The following KCNQ2 variants were observed in gnomAD, a reference collection of about 807,000 sequenced individuals.
KCNQ2 encodes the protein potassium voltage-gated channel subfamily Q member 2.
In KCNQ2, 14 loss-of-function variants were observed where a neutral mutation model predicts 84.8. The ratio of observed to expected loss-of-function variants is 0.17; its 90% CI spans 0.11 to 0.26. KCNQ2 has a LOEUF of 0.26. Ranked by LOEUF, KCNQ2 falls within the 10% of genes least tolerant of loss-of-function variation. The pLI is 1.00. For missense variants in KCNQ2, 788 were observed against 1,254.0 expected (o/e 0.63, Z 5.61); for synonymous variants, 599 against 554.1 (o/e 1.08, Z -1.14).
intron 15 of KCNQ2, among the ~76,000 whole-genome samples, chr20:63,412,724 G>A (rs1162662051): frequency 6.6e-6 from 1 of 152,246 alleles, no homozygotes; most frequent in Non-Finnish European, 1.5e-5. Context: ...TTCCAGGGCT[G>A]AGAAACTGGT....
At chr20:63,420,502 T>C (rs1269655006) in intron 11 of KCNQ2, among the ~76,000 whole-genome samples, 1 of 143,768 alleles carries the variant, frequency 7.0e-6, no homozygotes, top group Admixed American at 6.9e-5. Context: ...AGACAGCACT[T>C]CTCAAACTCG....
intron 11 of KCNQ2, chr20:63,423,469 G>A (rs1018619017): frequency 3.9e-5 from 6 of 152,300 alleles, no homozygotes; most frequent in African/African-American, 1.4e-4. Context: ...GAATTAACTT[G>A]TGAAAGGATC....
At chr20:63,426,530 G>A (rs956477843) in intron 10 of KCNQ2, among the ~76,000 whole-genome samples, 7 of 151,362 alleles carry the variant, frequency 4.6e-5, no homozygotes, top group South Asian at 4.2e-4. Context: ...GTCTTTTGGC[G>A]GATCGGCCAG....
intron 10 of KCNQ2, among the ~76,000 whole-genome samples, chr20:63,427,786 G>C (rs975813589): frequency 5.9e-5 from 9 of 152,242 alleles, no homozygotes; most frequent in African/African-American, 2.2e-4. Flanking sequence ...GAGCAGAAGA[G>C]TGTCTCTAGG....
rs1489785478 is a variant in KCNQ2 at position 63,402,149 on chromosome 20, C to A, written c.*4495G>T. 1 of 161,086 alleles carries A rather than the reference C, an allele frequency of 6.2e-6. No individual in the cohort carries two copies. The highest frequency in any genetic ancestry group is 2.5e-5 in the African/African-American group (1 of 39,608). 10.0% of individuals were successfully genotyped at this position (161,086 alleles called of 1,614,324 possible). On this transcript the variant is annotated 3_prime_UTR_variant, in exon 17 of 17. Transcript: ENST00000359125. ...TGGGCACCCTCCACCAGGTCCAAGT[C>A]TCGTGAGCCGTTCCTCTCACACCAC...
chr20:63,442,911 T>TCAC (rs2081249751), intron 4 of KCNQ2, among the ~76,000 whole-genome samples: 2 of 4,010 alleles, frequency 5.0e-4, no homozygotes, highest in Non-Finnish European at 1.0e-3. Context: ...ACCACCACCA[T>TCAC]CACCATCACC....
chr20:63,445,559 C>T (rs1419572235), intron 2 of KCNQ2, 195 bp from the exon 3 acceptor site: 6 of 420,120 alleles, frequency 1.4e-5, no homozygotes, highest in East Asian at 4.5e-5. Context: ...GGAGACCCTG[C>T]ATCCGGGAAC....
At chr20:63,443,896 G>C (rs979477304) in intron 4 of KCNQ2, 3 of 152,280 alleles carry the variant, frequency 2.0e-5, no homozygotes, top group Admixed American at 6.5e-5. Context: ...CTATTCTGGC[G>C]GCCAGCAGGG....
At chr20:63,416,863 C>T (rs2080315193) in intron 12 of KCNQ2, among the ~76,000 whole-genome samples, 1 of 152,176 alleles carries the variant, frequency 6.6e-6, no homozygotes, top group Non-Finnish European at 1.5e-5. Flanking sequence ...CCCTCCCCAC[C>T]CCATCCCCCA....
chr20:63,413,522 ACGTCGTAGGGC>A lies in KCNQ2; in HGVS notation c.1680_1690del (p.Pro561AspfsTer19). The A allele has an allele frequency of 6.2e-7, 1 of 1,613,534 alleles. No homozygotes were observed. The highest frequency in any genetic ancestry group is 8.5e-7 in the Non-Finnish European group (1 of 1,180,016). Reference sequence around the variant, plus strand: ...TGAGTACTGCTCGATGACGTCCATCACGTCGTAGGGCCGCAGGCTCTCCTTGAACTTCCGCT... The same window carrying A: ...TGAGTACTGCTCGATGACGTCCATCACGCAGGCTCTCCTTGAACTTCCGCT... On this transcript the variant is annotated frameshift_variant, in exon 15 of 17. Coordinates refer to ENST00000359125, the MANE Select transcript of KCNQ2 (RefSeq NM_172107.4). LOFTEE classifies it high-confidence loss of function.
chr20:63,442,987 TACCATCACCATC>T (rs2081260222), intron 4 of KCNQ2, among the ~76,000 whole-genome samples: 1 of 18,640 alleles, frequency 5.4e-5, no homozygotes, highest in Non-Finnish European at 9.8e-5. Flanking sequence ...TCACCACCAT[TACCATCACCATC>T]ACCACCATCA....
chr20:63,409,995 G>A (rs2080072380), intron 15 of KCNQ2: 3 of 291,420 alleles, frequency 1.0e-5, no homozygotes, highest in South Asian at 5.6e-5. Context: ...GTGGGCCAGG[G>A]GTGTTATCTT....
chr20:63,430,509 C>G (rs2080760219), intron 9 of KCNQ2, among the ~76,000 whole-genome samples: 1 of 152,258 alleles, frequency 6.6e-6, no homozygotes, highest in South Asian at 2.1e-4. Context: ...TCAAGGGCTT[C>G]TGTGCAGGAA....
chr20:63,452,867 A>G (rs1237434135), intron 1 of KCNQ2, among the ~76,000 whole-genome samples: 1 of 150,584 alleles, frequency 6.6e-6, no homozygotes, highest in Non-Finnish European at 1.5e-5. Context: ...GCCAGCCAGA[A>G]TGCCTCAGCC....
chr20:63,424,775 T>A (rs2080578097), intron 10 of KCNQ2, among the ~76,000 whole-genome samples: 1 of 152,216 alleles, frequency 6.6e-6, no homozygotes, highest in Non-Finnish European at 1.5e-5. Context: ...CCTTCCGGCG[T>A]CTCATCTGGG....
At chr20:63,456,813 G>A (rs531273956) in intron 1 of KCNQ2, among the ~76,000 whole-genome samples, 3 of 152,326 alleles carry the variant, frequency 2.0e-5, no homozygotes, top group Non-Finnish European at 4.4e-5. Flanking sequence ...GTCCCACGCA[G>A]CCTCCTTAGG....
Position 63,428,434 on chromosome 20 carries a change from G to T in KCNQ2, c.1150C>A (p.Leu384Ile). The T allele has an allele frequency of 1.3e-6, 2 of 1,588,254 alleles. No individual in the cohort carries two copies. The highest frequency in any genetic ancestry group is 1.7e-6 in the Non-Finnish European group (2 of 1,167,660). The change falls in exon 10 of 17, where the codon CTT (leucine) becomes ATT (isoleucine). Residue 384 changes from leucine to isoleucine, a missense_variant and splice_region_variant. Leu to Ile is a conservative substitution (Grantham distance 5, BLOSUM62 2). Around this residue, in one of 8 missense-constraint regions of KCNQ2, gnomAD observed 202 missense variants for 239.4 expected, o/e 0.84. Transcript: ENST00000359125. ...SQTQTYGASR[L>I]IPPLNQLELL... The stretch of plus-strand genomic sequence containing the variant: ...TCCAGCTGGTTCAGCGGGGGGATAA[G>T]TCTGGGGCAAGAGAAGGAGAGGGGA...
intron 12 of KCNQ2, among the ~76,000 whole-genome samples, chr20:63,418,811 C>G (rs557726110): frequency 2.0e-4 from 30 of 152,318 alleles, no homozygotes; most frequent in African/African-American, 7.0e-4. Flanking sequence ...GAGTCGCGGG[C>G]CCCCCATGGA....
chr20:63,463,363 G>A (rs940211752), intron 1 of KCNQ2, among the ~76,000 whole-genome samples: 4 of 152,078 alleles, frequency 2.6e-5, no homozygotes, highest in Non-Finnish European at 5.9e-5. Flanking sequence ...CTGGGGTGGC[G>A]CTCCCCGATA....
Sources: gnomAD v4.1 joint callset for allele counts (sites outside exome capture counted in the v4.1 genomes callset) on GRCh38, gnomAD v4.1.1 for gene constraint, gnomAD v4.1.1 regional missense constraint, MANE v1.5 for transcripts, NCBI Gene and HGNC (gene_info 2026-07-23, HGNC 2026-07-21) for gene names.